The following PPM1L variants were observed in gnomAD, a reference collection of about 807,000 sequenced individuals.
The protein encoded by PPM1L is protein phosphatase 1L.
In PPM1L, 13 loss-of-function variants were observed where a neutral mutation model predicts 31.4. The ratio of observed to expected loss-of-function variants is 0.41; its 90% confidence interval spans 0.27 to 0.66. The LOEUF (loss-of-function observed/expected upper bound fraction) is 0.66. PPM1L is among the 30% of genes least tolerant of loss of function. The pLI is 0.29. For missense variants in PPM1L, 326 were observed against 453.7 expected (o/e 0.72, Z 2.56); for synonymous variants, 184 against 175.4 (o/e 1.05, Z -0.39).
intron 2 of PPM1L, among the ~76,000 whole-genome samples, chr3:161,020,477 C>G (rs1217522824): frequency 6.6e-6 from 1 of 152,124 alleles, no homozygotes; most frequent in Non-Finnish European, 1.5e-5. Flanking sequence ...ATAGGAATGT[C>G]CCTTAAATAG....
chr3:160,937,819 A>C (rs561469520), intron 1 of PPM1L, among the ~76,000 whole-genome samples: 4 of 152,188 alleles, frequency 2.6e-5, no homozygotes, highest in Non-Finnish European at 5.9e-5. Context: ...AAATGGTAGG[A>C]ACTGTTGTGT....
At chr3:160,976,607 G>A (rs1356458087) in intron 2 of PPM1L, among the ~76,000 whole-genome samples, 4 of 151,890 alleles carry the variant, frequency 2.6e-5, no homozygotes. Flanking sequence ...TCTTGGGAGA[G>A]TGTATGTGTC....
intron 1 of PPM1L, among the ~76,000 whole-genome samples, chr3:160,772,856 A>G (rs1715294211): frequency 6.6e-6 from 1 of 152,132 alleles, no homozygotes; most frequent in African/African-American, 2.4e-5. Context: ...TTTTCTCAGC[A>G]CAATTATTTT....
chr3:160,940,859 A>G (rs762534738), intron 1 of PPM1L, among the ~76,000 whole-genome samples: 14 of 152,230 alleles, frequency 9.2e-5, no homozygotes, highest in Admixed American at 2.0e-4. Context: ...AGATCCCAGA[A>G]TGGTAGATCC....
intron 2 of PPM1L, among the ~76,000 whole-genome samples, chr3:161,060,837 T>C (rs1350026109): frequency 6.6e-6 from 1 of 151,954 alleles, no homozygotes; most frequent in Non-Finnish European, 1.5e-5. Flanking sequence ...CTAGATTAAA[T>C]TGTTAATATG....
intron 1 of PPM1L, among the ~76,000 whole-genome samples, chr3:160,835,105 TTCTTCCTTC>T (rs1391251845): frequency 6.1e-5 from 9 of 147,928 alleles, no homozygotes; most frequent in African/African-American, 2.3e-4. Flanking sequence ...TCTTTCTTCT[TTCTTCCTTC>T]TTCTTTCTTC....
At chr3:160,870,705 GA>G (rs1266846514) in intron 1 of PPM1L, 2 of 152,186 alleles carry the variant, frequency 1.3e-5, no homozygotes, top group Non-Finnish European at 2.9e-5. Context: ...TAATTTTCCT[GA>G]AGCTGATAAT....
At chr3:160,800,498 T>G (rs1218577938) in intron 1 of PPM1L, among the ~76,000 whole-genome samples, 3 of 152,174 alleles carry the variant, frequency 2.0e-5, no homozygotes, top group African/African-American at 7.2e-5. Flanking sequence ...TAACCTAAAA[T>G]GATATCAAGA....
At chr3:160,896,422 A>G (rs1213591784) in intron 1 of PPM1L, among the ~76,000 whole-genome samples, 1 of 152,126 alleles carries the variant, frequency 6.6e-6, no homozygotes, top group Non-Finnish European at 1.5e-5. Flanking sequence ...ATATTTAAGT[A>G]TTGTAAGTTA....
chr3:160,835,036 A>ACTTCTTCTT (rs1491239346), intron 1 of PPM1L, among the ~76,000 whole-genome samples: 77 of 72,016 alleles, frequency 1.1e-3, no homozygotes, highest in Admixed American at 3.6e-3. Flanking sequence ...TATTACTACT[A>ACTTCTTCTT]CTACTTCTTC....
At chr3:160,811,954 CTTG>C (rs942381077) in intron 1 of PPM1L, among the ~76,000 whole-genome samples, 1 of 152,338 alleles carries the variant, frequency 6.6e-6, no homozygotes, top group African/African-American at 2.4e-5. Flanking sequence ...TTGCCAGGCA[CTTG>C]GTGTGGCACT....
chr3:160,822,198 C>CT (rs966651553), intron 1 of PPM1L, among the ~76,000 whole-genome samples: 2 of 151,618 alleles, frequency 1.3e-5, no homozygotes, highest in African/African-American at 2.4e-5. Context: ...TTCCTTTTAG[C>CT]TTTTTTTTCT....
intron 1 of PPM1L, among the ~76,000 whole-genome samples, chr3:160,809,225 C>T (rs1712734157): frequency 6.6e-6 from 1 of 152,090 alleles, no homozygotes; most frequent in Non-Finnish European, 1.5e-5. Flanking sequence ...CTTTGATTGG[C>T]CTGAAGTGAA....
intron 1 of PPM1L, among the ~76,000 whole-genome samples, chr3:160,814,698 T>C (rs1167908342): frequency 1.0e-5 from 1 of 99,708 alleles, no homozygotes; most frequent in African/African-American, 9.1e-5. Flanking sequence ...ACCATACGTA[T>C]ATGTGTATAT....
intron 2 of PPM1L, among the ~76,000 whole-genome samples, chr3:161,000,857 G>A: frequency 6.6e-6 from 1 of 152,136 alleles, no homozygotes; most frequent in Admixed American, 6.5e-5. Context: ...ACTTTACACA[G>A]CTCAAAGATA....
At position 160,869,425 on chromosome 3, in the gene PPM1L, T is replaced by C. The variant is rs554113152; in HGVS notation, c.400-92311T>C. 1.8e-3 allele frequency among the ~76,000 whole-genome samples: 281 copies of C among 152,338 alleles called. 1 individual carries two copies. Among genetic ancestry groups the C allele is most frequent in the Non-Finnish European group, 3.3e-3 (222 of 68,030 alleles). On this transcript the variant is annotated intron_variant, in intron 1 of 3. Coordinates refer to ENST00000498165, the MANE Select transcript of PPM1L (RefSeq NM_139245.4). ...CAGCTTTGGTGTGATTTGTAAAAGC[T>C]CCTGGTTATTAAGGGTATAAACCTT...
intron 2 of PPM1L, among the ~76,000 whole-genome samples, chr3:161,058,977 T>C (rs1204424172): frequency 6.6e-6 from 1 of 152,204 alleles, no homozygotes; most frequent in Non-Finnish European, 1.5e-5. Context: ...CTTTTTTGTA[T>C]ACTGTTACTT....
chr3:160,816,949 C>T (rs974125344), intron 1 of PPM1L, among the ~76,000 whole-genome samples: 1 of 152,030 alleles, frequency 6.6e-6, no homozygotes, highest in African/African-American at 2.4e-5. Flanking sequence ...TCAATAATCT[C>T]TTTAGTTCTT....
At chr3:160,987,029 G>T (rs1295820965) in intron 2 of PPM1L, among the ~76,000 whole-genome samples, 1 of 152,090 alleles carries the variant, frequency 6.6e-6, no homozygotes, top group South Asian at 2.1e-4. Flanking sequence ...ACTTAATGTC[G>T]CATTATTCAT....
Sources: allele counts gnomAD v4.1 joint callset (sites outside exome capture counted in the v4.1 genomes callset), GRCh38; gene constraint gnomAD v4.1.1; transcripts MANE v1.5; gene names NCBI Gene and HGNC (gene_info 2026-07-23, HGNC 2026-07-21).